Variants in WDFY3 observed in about 807,000 individuals in gnomAD.
WDFY3 encodes the protein WD repeat and FYVE domain-containing protein 3.
Under a neutral mutation model 409.6 loss-of-function variants are expected in WDFY3, and 66 were observed. The observed-to-expected ratio is 0.16, with a 90% confidence interval of 0.13 to 0.20. The LOEUF (loss-of-function observed/expected upper bound fraction) is 0.20, where lower values mean the gene tolerates loss of function less well. WDFY3 is among the 10% of genes least tolerant of loss of function. The pLI is 1.00. For synonymous variants in WDFY3, 1,521 were observed against 1,537.1 expected (o/e 0.99, Z 0.25); for missense variants, 3,031 against 4,298.1 (o/e 0.71, Z 8.24).
intron 3 of WDFY3, among the ~76,000 whole-genome samples, chr4:84,877,888 G>A (rs1466558981): frequency 6.6e-6 from 1 of 152,162 alleles, no homozygotes; most frequent in East Asian, 1.9e-4. Flanking sequence ...TGATTTAGAG[G>A]CAGCTCAAGG....
At chr4:84,829,405 T>C (rs938373642) in intron 8 of WDFY3, among the ~76,000 whole-genome samples, 4 of 152,188 alleles carry the variant, frequency 2.6e-5, no homozygotes, top group Non-Finnish European at 5.9e-5. Context: ...TACAGAAATG[T>C]GTTGAAAAAT....
rs749653635 is a variant in WDFY3, at chr4:84,803,298, G to C, written c.2599C>G (p.Gln867Glu). The stretch of plus-strand genomic sequence containing the variant: ...AACATATTCAAGCTTACTTCTGGCT[G>C]TGTCACTGACCCAACAGAGGCCAGT... ...DLLASVGSVT[Q>E]PEHALDLQLA... The change falls in exon 16 of 68, where the codon CAG becomes GAG. Residue 867 changes from glutamine to glutamate, a missense_variant. Gln to Glu is a conservative substitution (Grantham distance 29). Coordinates refer to ENST00000295888, the MANE Select transcript of WDFY3 (RefSeq NM_014991.6). 6.2e-7 allele frequency: 1 copy of C among 1,604,202 alleles called. No individual in the cohort carries two copies. The highest frequency in any genetic ancestry group is 2.2e-5 in the East Asian group (1 of 44,802).
At chr4:84,917,655 T>A (rs946086098) in intron 2 of WDFY3, among the ~76,000 whole-genome samples, 1 of 152,052 alleles carries the variant, frequency 6.6e-6, no homozygotes, top group Non-Finnish European at 1.5e-5. Context: ...TCAAACTCTT[T>A]ATGTTTTTTA....
intron 17 of WDFY3, among the ~76,000 whole-genome samples, chr4:84,800,667 G>A (rs930568461): frequency 5.3e-5 from 8 of 152,022 alleles, no homozygotes; most frequent in South Asian, 2.1e-4. Context: ...ATCAGGGAGC[G>A]GTTTTGTGGA....
chr4:84,795,924 ATAAT>A (rs1386274542), intron 19 of WDFY3, among the ~76,000 whole-genome samples: 4 of 152,162 alleles, frequency 2.6e-5, no homozygotes, highest in African/African-American at 9.6e-5. Flanking sequence ...GCCACTTGAA[ATAAT>A]TTATTCATTT....
At position 84,785,052 on chromosome 4, in the gene WDFY3, C is replaced by G. The variant is rs535918371; in HGVS notation, c.4062+927G>C. Among the ~76,000 whole-genome samples, 9 of 151,838 alleles carry G rather than the reference C, an allele frequency of 5.9e-5. No homozygotes were observed. The South Asian group carries it at 1.5e-3, about 25-fold the overall frequency. The stretch of plus-strand genomic sequence containing the variant: ...TGTCTCTCTGCTACTACCTTTGTTT[C>G]TCTTCAACCTATTGTCAATAGAAGT... On this transcript the variant is annotated intron_variant, in intron 24 of 67. Transcript: ENST00000295888.
intron 25 of WDFY3, among the ~76,000 whole-genome samples, chr4:84,780,691 G>C (rs541657767): frequency 1.3e-5 from 2 of 152,160 alleles, no homozygotes; most frequent in Non-Finnish European, 2.9e-5. Flanking sequence ...TTTAACCTAG[G>C]AGTTGGAGGT....
At chr4:84,778,396 A>C (rs1195508605) in intron 27 of WDFY3, 107 bp downstream of exon 27, 4 of 1,049,512 alleles carry the variant, frequency 3.8e-6, no homozygotes, top group Non-Finnish European at 5.2e-6. Flanking sequence ...GAACATCATA[A>C]AATTATAGGG....
At chr4:84,707,515 T>C (rs542889516) in intron 53 of WDFY3, among the ~76,000 whole-genome samples, 5 of 152,240 alleles carry the variant, frequency 3.3e-5, no homozygotes, top group Admixed American at 1.3e-4. Context: ...AGATGGGGAA[T>C]ACACGGTGAA....
intron 2 of WDFY3, among the ~76,000 whole-genome samples, chr4:84,903,929 G>A (rs1372295760): frequency 1.3e-5 from 2 of 151,940 alleles, no homozygotes; most frequent in African/African-American, 2.4e-5. Flanking sequence ...CTGCCTGCCC[G>A]CCTGCCTGCT....
At chr4:84,893,988 CAA>C (rs933038872) in intron 3 of WDFY3, among the ~76,000 whole-genome samples, 3 of 116,720 alleles carry the variant, frequency 2.6e-5, no homozygotes, top group Admixed American at 9.2e-5. Flanking sequence ...GACTCCGTCT[CAA>C]AAAAAAAAAA....
intron 14 of WDFY3, 159 bp downstream of exon 14, chr4:84,809,728 G>T: frequency 3.2e-6 from 2 of 632,290 alleles, no homozygotes; most frequent in Non-Finnish European, 5.1e-6. Flanking sequence ...CAATACCAGA[G>T]CAAGAGTAAT....
chr4:84,876,233 C>A (rs971346137), intron 3 of WDFY3, among the ~76,000 whole-genome samples: 7 of 152,274 alleles, frequency 4.6e-5, no homozygotes, highest in African/African-American at 1.7e-4. Flanking sequence ...TCTGGGAACA[C>A]CATCATATAT....
chr4:84,698,236 T>G (rs952649882), intron 56 of WDFY3, among the ~76,000 whole-genome samples: 6 of 151,492 alleles, frequency 4.0e-5, no homozygotes, highest in African/African-American at 1.5e-4. Context: ...CATATAAAGA[T>G]AACATAGTCT....
intron 12 of WDFY3, among the ~76,000 whole-genome samples, chr4:84,819,142 C>A (rs937618521): frequency 2.0e-5 from 3 of 152,050 alleles, no homozygotes; most frequent in Non-Finnish European, 2.9e-5. Flanking sequence ...TTGTATCAGA[C>A]TAATTACTTC....
chr4:84,779,696 G>C (rs1277314557), intron 26 of WDFY3, among the ~76,000 whole-genome samples: 5 of 152,144 alleles, frequency 3.3e-5, no homozygotes, highest in Admixed American at 1.3e-4. Flanking sequence ...GGAGGGGAGA[G>C]AGAAGGAAAC....
At position 84,722,913 on chromosome 4, in the gene WDFY3, C is replaced by T. The variant is rs952648165; in HGVS notation, c.7442-1341G>A. On this transcript the variant is annotated intron_variant, in intron 46 of 67. Transcript: ENST00000295888. ...AGTAAGCAAGAGAGATCAAATCCTG[C>T]AGAGAACATCCACAAGGGGTGGAAA... is the stretch of plus-strand genomic sequence containing the variant. Among the ~76,000 whole-genome samples the T allele has an allele frequency of 2.0e-5, 3 of 152,176 alleles. No individual in the cohort carries two copies. The East Asian group carries it at 5.8e-4, about 29-fold the overall frequency.
chr4:84,847,624 A>T (rs1758261880), intron 5 of WDFY3, among the ~76,000 whole-genome samples: 2 of 146,882 alleles, frequency 1.4e-5, no homozygotes, highest in South Asian at 4.3e-4. Flanking sequence ...AAAAAAAAAA[A>T]TTAGCCGGGC....
chr4:84,741,650 T>A, intron 38 of WDFY3, 111 bp downstream of exon 38: 1 of 1,249,216 alleles, frequency 8.0e-7, no homozygotes, highest in Non-Finnish European at 1.1e-6. Flanking sequence ...TAGCTTTTTC[T>A]TAAATGTTAA....
Sources: gnomAD v4.1 joint callset for allele counts (sites outside exome capture counted in the v4.1 genomes callset) on GRCh38, gnomAD v4.1.1 for gene constraint, MANE v1.5 for transcripts, NCBI Gene and HGNC (gene_info 2026-07-23, HGNC 2026-07-21) for gene names.